The following SGTB variants were observed in gnomAD, a reference collection of about 807,000 sequenced individuals.
The protein encoded by SGTB is small glutamine-rich tetratricopeptide repeat-containing protein beta.
A neutral mutation model predicts 43.9 loss-of-function variants in SGTB; 19 were observed. That is an observed-to-expected ratio of 0.43 (90% confidence interval 0.30 to 0.63). The LOEUF is 0.63. SGTB is among the 30% of genes least tolerant of loss of function. The pLI is 0.12. For synonymous variants in SGTB, 116 were observed against 117.3 expected (o/e 0.99, Z 0.07); for missense variants, 304 against 358.9 (o/e 0.85, Z 1.24).
At chr5:65,690,993 G>T (rs1231330466) in intron 5 of SGTB, among the ~76,000 whole-genome samples, 1 of 152,156 alleles carries the variant, frequency 6.6e-6, no homozygotes, top group Non-Finnish European at 1.5e-5. Context: ...CATAGCAGGC[G>T]TGCTAGTGGT....
intron 4 of SGTB, 55 bp downstream of exon 4, chr5:65,708,434 T>C (rs1757979226): frequency 6.8e-7 from 1 of 1,465,996 alleles, no homozygotes; most frequent in Admixed American, 1.8e-5. Flanking sequence ...GACAGTAATT[T>C]CCTCCAGTTT....
chr5:65,680,573 T>C lies in SGTB; in HGVS notation c.619-17A>G, dbSNP rs994924384. The C allele has an allele frequency of 4.3e-6, 7 of 1,614,072 alleles. No individual in the cohort carries two copies. The African/African-American group carries it at 6.7e-5, about 15-fold the overall frequency. On this transcript the variant is annotated splice_polypyrimidine_tract_variant and intron_variant, in intron 7 of 10. Transcript: ENST00000381007. ...AGTTCCTGTCTGTAAAACAATTATA[T>C]CTGAGAATCAGTCCAGTATCTACAA...
intron 2 of SGTB, among the ~76,000 whole-genome samples, chr5:65,715,661 C>T (rs985947365): frequency 6.6e-6 from 1 of 152,230 alleles, no homozygotes; most frequent in Admixed American, 6.5e-5. Context: ...GGATTTCCTT[C>T]CTAGTAGGAG....
chr5:65,691,208 A>G (rs1757601005), intron 5 of SGTB, among the ~76,000 whole-genome samples: 1 of 152,184 alleles, frequency 6.6e-6, no homozygotes, highest in African/African-American at 2.4e-5. Flanking sequence ...TCAATTTCCT[A>G]GCTCTGTCCA....
At chr5:65,710,405 T>G (rs764084994) in intron 3 of SGTB, among the ~76,000 whole-genome samples, 5 of 152,188 alleles carry the variant, frequency 3.3e-5, no homozygotes, top group Non-Finnish European at 7.3e-5. Flanking sequence ...GAAAACTAAT[T>G]ATCATATTCA....
intron 6 of SGTB, among the ~76,000 whole-genome samples, chr5:65,684,107 C>T (rs1485704115): frequency 6.6e-6 from 1 of 151,560 alleles, no homozygotes; most frequent in African/African-American, 2.4e-5. Flanking sequence ...TTTTTTGAGA[C>T]AGGGTCTCAC....
At position 65,699,501 on chromosome 5, in the gene SGTB, T is replaced by C. The variant is rs116042498; in HGVS notation, c.374+4778A>G. 8.4e-3 allele frequency among the ~76,000 whole-genome samples: 1,287 copies of C among 152,316 alleles called. 22 individuals are homozygous for C. The highest frequency in any genetic ancestry group is 0.029 in the African/African-American group (1,216 of 41,566). ...TTCACCACTATACAATTCATCCGTGTAACCAAAAACCACATGTACCCCCAA... is the reference window on the plus strand; with the variant it reads ...TTCACCACTATACAATTCATCCGTGCAACCAAAAACCACATGTACCCCCAA... On this transcript the variant is annotated intron_variant, in intron 5 of 10. Transcript: ENST00000381007.
At chr5:65,672,989 A>C (rs973941516) in intron 8 of SGTB, among the ~76,000 whole-genome samples, 11 of 152,190 alleles carry the variant, frequency 7.2e-5, no homozygotes, top group African/African-American at 2.7e-4. Flanking sequence ...TAAGTGCTAA[A>C]GGCATTACAC....
At chr5:65,705,547 T>C (rs1000345895) in intron 4 of SGTB, among the ~76,000 whole-genome samples, 3 of 152,190 alleles carry the variant, frequency 2.0e-5, no homozygotes, top group Non-Finnish European at 4.4e-5. Context: ...CTTTCCAGTT[T>C]TCTTAAACCA....
intron 5 of SGTB, among the ~76,000 whole-genome samples, chr5:65,701,592 T>C (rs929205310): frequency 7.9e-5 from 12 of 151,988 alleles, no homozygotes; most frequent in Admixed American, 3.9e-4. Context: ...TGCTGTCTGA[T>C]ATAGCAGCCA....
In SGTB at chr5:65,715,951, G is replaced by A. The variant is rs567434273; in HGVS notation, c.101-2887C>T. The stretch of plus-strand genomic sequence containing the variant: ...CGCCTGGCTAATTTTTGTATTTTTA[G>A]TAGAGAGGGAGTTTCACCATGTTGG... On this transcript the variant is annotated intron_variant, in intron 2 of 10. Transcript: ENST00000381007. Among the ~76,000 whole-genome samples the A allele has an allele frequency of 3.9e-5, 6 of 152,356 alleles. No homozygotes were observed. The South Asian group carries it at 1.0e-3, about 26-fold the overall frequency.
intron 8 of SGTB, among the ~76,000 whole-genome samples, chr5:65,675,041 C>T (rs1435411401): frequency 6.6e-6 from 1 of 151,688 alleles, no homozygotes; most frequent in Non-Finnish European, 1.5e-5. Context: ...TGATTCCTGC[C>T]TTCCAAGGGC....
At chr5:65,702,047 C>T (rs1250268110) in intron 5 of SGTB, among the ~76,000 whole-genome samples, 1 of 152,224 alleles carries the variant, frequency 6.6e-6, no homozygotes, top group Non-Finnish European at 1.5e-5. Context: ...TTGGACAGTA[C>T]AGATATAGAA....
intron 5 of SGTB, among the ~76,000 whole-genome samples, chr5:65,699,030 G>T (rs1757763610): frequency 6.6e-6 from 1 of 151,904 alleles, no homozygotes; most frequent in Non-Finnish European, 1.5e-5. Context: ...CCCATTACTG[G>T]GTACCCACCC....
chr5:65,681,585 A>C (rs984891847), intron 6 of SGTB, among the ~76,000 whole-genome samples: 5 of 152,168 alleles, frequency 3.3e-5, no homozygotes, highest in African/African-American at 9.7e-5. Context: ...ATGATACTTT[A>C]TCAGAGTCCC....
chr5:65,671,645 GGGGGTGGGGGT>G (rs869169273), intron 10 of SGTB, among the ~76,000 whole-genome samples: 68 of 38,954 alleles, frequency 1.7e-3, no homozygotes, highest in Non-Finnish European at 3.3e-3. Flanking sequence ...AACCGGGGGC[GGGGGTGGGGGT>G]GGGGGGAAGC....
intron 5 of SGTB, among the ~76,000 whole-genome samples, chr5:65,700,019 G>A (rs1438155187): frequency 1.3e-5 from 2 of 152,114 alleles, no homozygotes; most frequent in Admixed American, 6.5e-5. Context: ...ATATATATAC[G>A]ATTGAGTTAT....
intron 8 of SGTB, among the ~76,000 whole-genome samples, chr5:65,674,699 T>C (rs952652946): frequency 6.6e-5 from 10 of 152,176 alleles, no homozygotes; most frequent in Admixed American, 5.2e-4. Context: ...TACATGGTGG[T>C]CTCACACCTT....
At chr5:65,720,638 T>C (rs1275882674) in intron 2 of SGTB, 70 bp downstream of exon 2, 16 of 1,541,686 alleles carry the variant, frequency 1.0e-5, no homozygotes, top group African/African-American at 4.2e-5. Flanking sequence ...GATCATCAAG[T>C]TGGGCTTACA....
Sources: gnomAD v4.1 joint callset for allele counts (sites outside exome capture counted in the v4.1 genomes callset) on GRCh38, gnomAD v4.1.1 for gene constraint, MANE v1.5 for transcripts, NCBI Gene and HGNC (gene_info 2026-07-23, HGNC 2026-07-21) for gene names.